The following ELOVL6 variants were observed in gnomAD, a reference collection of about 807,000 sequenced individuals.
ELOVL6 encodes ELOVL fatty acid elongase 6.
ELOVL6 carries 8 observed loss-of-function variants against 31.7 expected under a neutral mutation model. The observed-to-expected ratio is 0.25, with a 90% CI of 0.15 to 0.45. ELOVL6 has a LOEUF of 0.45. ELOVL6 is among the 20% of genes least tolerant of loss of function. ELOVL6 has a pLI of 1.00. For missense variants in ELOVL6, 126 were observed against 326.4 expected (o/e 0.39, Z 4.73); for synonymous variants, 101 against 117.7 (o/e 0.86, Z 0.92).
intron 1 of ELOVL6, among the ~76,000 whole-genome samples, chr4:110,110,104 C>T (rs922444557): frequency 6.6e-6 from 1 of 152,142 alleles, no homozygotes; most frequent in African/African-American, 2.4e-5. Context: ...AGTCCTCTTG[C>T]AGTTCAGTTG....
At chr4:110,111,095 A>C (rs1560827258) in intron 1 of ELOVL6, among the ~76,000 whole-genome samples, 1 of 152,224 alleles carries the variant, frequency 6.6e-6, no homozygotes, top group Admixed American at 6.5e-5. Flanking sequence ...ACATGGCTGC[A>C]CATCCCTTTC....
At chr4:110,155,844 G>C (rs769347048) in intron 1 of ELOVL6, among the ~76,000 whole-genome samples, 1 of 152,114 alleles carries the variant, frequency 6.6e-6, no homozygotes, top group Non-Finnish European at 1.5e-5. Flanking sequence ...AGATGTCAAG[G>C]CCTCAGCACT....
intron 1 of ELOVL6, among the ~76,000 whole-genome samples, chr4:110,186,790 C>T (rs370811081): frequency 5.0e-5 from 5 of 99,870 alleles, no homozygotes; most frequent in South Asian, 3.3e-4. Context: ...GGTAACAGAA[C>T]GAGACTCTGT....
intron 1 of ELOVL6, among the ~76,000 whole-genome samples, chr4:110,158,445 A>G (rs921745232): frequency 1.3e-5 from 2 of 151,342 alleles, no homozygotes; most frequent in African/African-American, 4.8e-5. Context: ...ACTCTTAGGA[A>G]GAAAAACTCC....
intron 1 of ELOVL6, among the ~76,000 whole-genome samples, chr4:110,117,498 A>G (rs1452866929): frequency 2.0e-5 from 3 of 152,060 alleles, no homozygotes; most frequent in Non-Finnish European, 2.9e-5. Flanking sequence ...GTGAGTCAGT[A>G]TATTACTCTC....
At chr4:110,149,171 T>C (rs1359446983) in intron 1 of ELOVL6, among the ~76,000 whole-genome samples, 2 of 152,234 alleles carry the variant, frequency 1.3e-5, no homozygotes, top group Non-Finnish European at 2.9e-5. Context: ...TCTTCTGTAT[T>C]GTTGACGGGA....
intron 1 of ELOVL6, among the ~76,000 whole-genome samples, chr4:110,187,019 A>T (rs1189057357): frequency 6.6e-6 from 1 of 150,624 alleles, no homozygotes; most frequent in Non-Finnish European, 1.5e-5. Flanking sequence ...TTATGATGTC[A>T]TGTAATAGTT....
intron 1 of ELOVL6, among the ~76,000 whole-genome samples, chr4:110,126,056 T>C (rs1255224536): frequency 6.6e-6 from 1 of 152,070 alleles, no homozygotes; most frequent in East Asian, 1.9e-4. Flanking sequence ...CCAATCTTTT[T>C]TTTGTGAGAC....
intron 1 of ELOVL6, among the ~76,000 whole-genome samples, chr4:110,154,728 C>T (rs1758367597): frequency 6.6e-6 from 1 of 152,232 alleles, no homozygotes; most frequent in Admixed American, 6.5e-5. Flanking sequence ...ACCATCCCCA[C>T]TGAGTTGAGA....
At chr4:110,183,808 C>G (rs1225955534) in intron 1 of ELOVL6, among the ~76,000 whole-genome samples, 1 of 152,122 alleles carries the variant, frequency 6.6e-6, no homozygotes, top group Non-Finnish European at 1.5e-5. Context: ...GTGGGGAAAT[C>G]CCATCTCTAC....
Position 110,051,161 on chromosome 4 carries a change from G to A in ELOVL6, c.*177C>T. On this transcript the variant is annotated 3_prime_UTR_variant, in exon 4 of 4. Coordinates refer to ENST00000302274, the MANE Select transcript of ELOVL6 (RefSeq NM_024090.3). The surrounding 1 kb of genome is among the most constrained non-coding windows in gnomAD (Gnocchi z 4.8). ...CACTCAGTGAGTCCTCACCCTAAAA[G>A]GATCATAAACTTACTGGGTTAAATC... 2 of 645,422 alleles carry A rather than the reference G, an allele frequency of 3.1e-6. No homozygotes were observed. The highest frequency in any genetic ancestry group is 5.3e-6 in the Non-Finnish European group (2 of 380,246). 40.0% of individuals were successfully genotyped at this position (645,422 alleles called of 1,614,324 possible).
intron 3 of ELOVL6, among the ~76,000 whole-genome samples, chr4:110,057,538 G>A (rs1212730860): frequency 2.6e-5 from 4 of 151,952 alleles, no homozygotes; most frequent in South Asian, 2.1e-4. Context: ...CTTTAATAAC[G>A]TGTAATTTTA....
chr4:110,138,502 G>C (rs145495025), intron 1 of ELOVL6, among the ~76,000 whole-genome samples: 1 of 152,302 alleles, frequency 6.6e-6, no homozygotes, highest in East Asian at 1.9e-4. Context: ...GAGCATCAAA[G>C]AGACGGTGTT....
chr4:110,190,345 C>A (rs1759578532), intron 1 of ELOVL6, among the ~76,000 whole-genome samples: 1 of 152,064 alleles, frequency 6.6e-6, no homozygotes. Flanking sequence ...TAATAGGAAC[C>A]TTAAAACTAA....
In ELOVL6 at chr4:110,084,480, AC is replaced by A. The variant is rs1474790791; in HGVS notation, c.221+21016del. 2.9e-4 allele frequency among the ~76,000 whole-genome samples: 36 copies of A among 124,302 alleles called. 1 individual carries two copies. The South Asian group carries it at 7.1e-3, about 24-fold the overall frequency. 81.5% of individuals were successfully genotyped at this position (124,302 alleles called of 152,430 possible). ...TCATATATGATATATAACAATATAC[AC>A]TATAATGTATACACATATATATCAT... On this transcript the variant is annotated intron_variant, in intron 2 of 3. Transcript: ENST00000302274.
chr4:110,182,238 T>C (rs1759297902), intron 1 of ELOVL6, among the ~76,000 whole-genome samples: 1 of 152,146 alleles, frequency 6.6e-6, no homozygotes, highest in African/African-American at 2.4e-5. Flanking sequence ...TATGATCCTT[T>C]CCTATTAAAA....
In ELOVL6 at chr4:110,061,549, C is replaced by CTTTTTTTTTTTTTTTTTTTT. The variant is rs57846282; in HGVS notation, c.222-1815_222-1796dup. 4.0e-4 allele frequency among the ~76,000 whole-genome samples: 29 copies of CTTTTTTTTTTTTTTTTTTTT among 72,380 alleles called. 6 individuals are homozygous for CTTTTTTTTTTTTTTTTTTTT. Among genetic ancestry groups the CTTTTTTTTTTTTTTTTTTTT allele is most frequent in the East Asian group, 2.5e-3 (5 of 1,970 alleles). 47.5% of individuals were successfully genotyped at this position (72,380 alleles called of 152,430 possible). On this transcript the variant is annotated intron_variant, in intron 2 of 3. Coordinates refer to ENST00000302274, the MANE Select transcript of ELOVL6 (RefSeq NM_024090.3). ...CTGTCTTTCCCTCACCAAATGATGG[C>CTTTTTTTTTTTTTTTTTTTT]TTTTTTTTTTTTTTTTTTTTTTTTT...
chr4:110,149,547 C>A (rs1416459862), intron 1 of ELOVL6, among the ~76,000 whole-genome samples: 1 of 152,274 alleles, frequency 6.6e-6, no homozygotes, highest in African/African-American at 2.4e-5. Flanking sequence ...ACCACATGTT[C>A]TCACAAGTGG....
intron 2 of ELOVL6, among the ~76,000 whole-genome samples, chr4:110,062,670 CCTTA>C (rs1279211182): frequency 3.9e-5 from 6 of 152,200 alleles, no homozygotes; most frequent in African/African-American, 1.4e-4. Context: ...TACCCCTAGT[CCTTA>C]CTTAGGCTCA....
Sources: gnomAD v4.1 joint callset for allele counts (sites outside exome capture counted in the v4.1 genomes callset) on GRCh38, gnomAD v4.1.1 for gene constraint, Gnocchi (gnomAD v3.1) non-coding constraint, MANE v1.5 for transcripts, NCBI Gene and HGNC (gene_info 2026-07-23, HGNC 2026-07-21) for gene names.